Variants in CEP89 observed in about 807,000 individuals in gnomAD.
CEP89 encodes the protein centrosomal protein of 89 kDa.
CEP89 carries 95 observed loss-of-function variants against 97.6 expected under a neutral mutation model. The ratio of observed to expected loss-of-function variants is 0.97; its 90% CI spans 0.82 to 1.15. CEP89 has a LOEUF of 1.15. Among genes scored for constraint, CEP89 ranks in the 50% most tolerant of loss-of-function variants. The pLI, the probability that CEP89 is intolerant of heterozygous loss-of-function variation, is 0.00. For missense variants in CEP89, 869 were observed against 947.7 expected, an observed-to-expected ratio of 0.92 and a Z score of 1.09; for synonymous variants, 354 against 349.1, an observed-to-expected ratio of 1.01 and a Z score of -0.16.
At chr19:32,962,091 T>C (rs1302315778) in intron 2 of CEP89, among the ~76,000 whole-genome samples, 1 of 151,834 alleles carries the variant, frequency 6.6e-6, no homozygotes, top group Non-Finnish European at 1.5e-5. Flanking sequence ...TACACACTGA[T>C]ATGGTTTGGC....
chr19:32,908,439 G>C (rs990298209), intron 14 of CEP89, among the ~76,000 whole-genome samples: 6 of 152,238 alleles, frequency 3.9e-5, no homozygotes, highest in Admixed American at 3.3e-4. Context: ...GATGGAGCCG[G>C]GAGTGTGACC....
At chr19:32,951,561 ACACAC>A (rs1970918935) in intron 4 of CEP89, among the ~76,000 whole-genome samples, 1 of 150,958 alleles carries the variant, frequency 6.6e-6, no homozygotes, top group Non-Finnish European at 1.5e-5. Context: ...ACACACACAC[ACACAC>A]GCACACTACT....
chr19:32,917,799 C>A, intron 13 of CEP89: 1 of 985,194 alleles, frequency 1.0e-6, no homozygotes, highest in African/African-American at 1.7e-5. Context: ...TGTCGCCTCC[C>A]AGGCCCGCAG....
At chr19:32,888,590 C>T (rs916143120) in intron 16 of CEP89, among the ~76,000 whole-genome samples, 4 of 151,148 alleles carry the variant, frequency 2.6e-5, no homozygotes, top group Non-Finnish European at 4.4e-5. Flanking sequence ...GGCTGAGGCA[C>T]GAGAATGGCT....
intron 2 of CEP89, among the ~76,000 whole-genome samples, chr19:32,963,212 C>T (rs1220538335): frequency 2.0e-5 from 3 of 151,914 alleles, no homozygotes; most frequent in African/African-American, 7.3e-5. Context: ...AAAAATTAGC[C>T]GGGTGTGGTG....
Position 32,918,329 on chromosome 19 carries a change from G to A in CEP89, c.1279C>T (p.Gln427Ter), listed in dbSNP as rs778983714. The A allele has an allele frequency of 6.2e-7, 1 of 1,612,788 alleles. No individual in the cohort carries two copies. Among genetic ancestry groups the A allele is most frequent in the East Asian group, 2.2e-5 (1 of 44,870 alleles). The change falls in exon 13 of 19, where the codon CAG becomes TAG. Residue 427 changes from glutamine to a stop codon, truncating the protein, a stop_gained. Transcript: ENST00000305768. LOFTEE classifies it high-confidence loss of function. ...AVTSEEWRQLQTQAKLVLEEN... is the reference protein window; with the variant it reads ...AVTSEEWRQL ...TCTAAAACCAGTTTTGCTTGAGTCT[G>A]AAGCTGACGCCTGCAATTGATTTAC...
At chr19:32,905,508 A>C (rs901930576) in intron 14 of CEP89, among the ~76,000 whole-genome samples, 2 of 150,164 alleles carry the variant, frequency 1.3e-5, no homozygotes, top group East Asian at 3.9e-4. Flanking sequence ...TTTTTAATTC[A>C]ATTCTTTTAA....
intron 6 of CEP89, among the ~76,000 whole-genome samples, chr19:32,939,617 G>A (rs905936141): frequency 3.3e-5 from 5 of 150,778 alleles, no homozygotes; most frequent in East Asian, 2.0e-4. Context: ...GACGGAGACC[G>A]CAGTGAGCTG....
At chr19:32,901,713 G>A (rs975508589) in intron 14 of CEP89, among the ~76,000 whole-genome samples, 4 of 151,778 alleles carry the variant, frequency 2.6e-5, no homozygotes, top group South Asian at 2.1e-4. Context: ...CTGCAGCTTC[G>A]AACTTCTGGA....
At chr19:32,962,064 A>AG (rs1193238913) in intron 2 of CEP89, among the ~76,000 whole-genome samples, 3 of 150,916 alleles carry the variant, frequency 2.0e-5, no homozygotes, top group Admixed American at 6.6e-5. Flanking sequence ...AAAAAAAAAA[A>AG]TCATGGATCT....
intron 14 of CEP89, among the ~76,000 whole-genome samples, chr19:32,906,284 T>C (rs1006452665): frequency 6.6e-6 from 1 of 152,186 alleles, no homozygotes; most frequent in African/African-American, 2.4e-5. Flanking sequence ...CTGCTCTTAT[T>C]TGGATTGTTT....
intron 18 of CEP89, among the ~76,000 whole-genome samples, chr19:32,880,211 C>G (rs1389382295): frequency 6.6e-6 from 1 of 152,180 alleles, no homozygotes; most frequent in Non-Finnish European, 1.5e-5. Flanking sequence ...GCTGGAGAGG[C>G]CAGCTCCTTC....
intron 16 of CEP89, among the ~76,000 whole-genome samples, chr19:32,891,195 C>T (rs1009339510): frequency 1.2e-4 from 19 of 152,238 alleles, no homozygotes; most frequent in African/African-American, 4.3e-4. Flanking sequence ...CAGAGCCCTG[C>T]GCACGTGCAT....
chr19:32,900,510 C>A (rs1031327761), intron 15 of CEP89, among the ~76,000 whole-genome samples: 2 of 151,910 alleles, frequency 1.3e-5, no homozygotes, highest in African/African-American at 4.8e-5. Flanking sequence ...GTGACCTGCC[C>A]ATCTCAGCCT....
intron 5 of CEP89, among the ~76,000 whole-genome samples, chr19:32,944,253 TGA>T (rs1970750906): frequency 9.1e-6 from 1 of 109,412 alleles, no homozygotes; most frequent in South Asian, 3.0e-4. Context: ...TTCTTCTGAC[TGA>T]GGGGATGAAT....
chr19:32,877,775 A>ATTT lies in CEP89; in HGVS notation c.*1384_*1386dup. 1 of 147,356 alleles carries ATTT rather than the reference A, an allele frequency of 6.8e-6. No individual in the cohort carries two copies. The highest frequency in any genetic ancestry group is 1.5e-5 in the Non-Finnish European group (1 of 66,284). The allele number at this position is 147,356 out of a possible 1,614,324, so 9.1% of individuals were successfully genotyped here. ...AGACCCCATCTCTACCAAAAAAAAA[A>ATTT]TTTTTTTTTTTTGAGACAAAGTCTC... On this transcript the variant is annotated 3_prime_UTR_variant, in exon 19 of 19. Coordinates refer to ENST00000305768, the MANE Select transcript of CEP89 (RefSeq NM_032816.5).
At chr19:32,905,642 C>T (rs1308985375) in intron 14 of CEP89, among the ~76,000 whole-genome samples, 1 of 152,186 alleles carries the variant, frequency 6.6e-6, no homozygotes, top group African/African-American at 2.4e-5. Context: ...TCTAGGTGCA[C>T]ACAAATTTAA....
At chr19:32,968,647 C>A (rs1971335052) in intron 1 of CEP89, among the ~76,000 whole-genome samples, 1 of 152,016 alleles carries the variant, frequency 6.6e-6, no homozygotes. Context: ...GTGAATCCCC[C>A]CTCATACCAT....
rs1199924669 is a variant in CEP89, at chr19:32,877,172, A to T, written c.*1990T>A. ...TGAGTCTTTCTACCGCTTGTAAAAT[A>T]AAATTAAATTACAATGATTCAACTG... On this transcript the variant is annotated 3_prime_UTR_variant, in exon 19 of 19. Coordinates refer to ENST00000305768, the MANE Select transcript of CEP89 (RefSeq NM_032816.5). 1 of 152,216 alleles carries T rather than the reference A, an allele frequency of 6.6e-6. No individual in the cohort carries two copies. The highest frequency in any genetic ancestry group is 1.5e-5 in the Non-Finnish European group (1 of 68,040). The allele number at this position is 152,216 out of a possible 1,614,324, so 9.4% of individuals were successfully genotyped here. A position where few individuals can be genotyped will look rare whatever the true frequency, so the allele number is the denominator to read the frequency against.
Sources: allele counts gnomAD v4.1 joint callset (sites outside exome capture counted in the v4.1 genomes callset), GRCh38; gene constraint gnomAD v4.1.1; transcripts MANE v1.5; gene names NCBI Gene and HGNC (gene_info 2026-07-23, HGNC 2026-07-21).